The following CNGA3 variants were observed in gnomAD, a reference collection of about 807,000 sequenced individuals.
CNGA3 encodes cyclic nucleotide gated channel subunit alpha 3.
In CNGA3, 42 loss-of-function variants were observed where a neutral mutation model predicts 46.6. The observed-to-expected ratio is 0.90, with a 90% CI of 0.70 to 1.17. The LOEUF (loss-of-function observed/expected upper bound fraction) is 1.17, where lower values mean the gene tolerates loss of function less well. Among genes scored for constraint, CNGA3 ranks in the 50% most tolerant of loss-of-function variants. The pLI, the probability that CNGA3 is intolerant of heterozygous loss-of-function variation, is 0.00. For synonymous variants in CNGA3, 394 were observed against 369.4 expected, an observed-to-expected ratio of 1.07 and a Z score of -0.76; for missense variants, 893 against 890.7, an observed-to-expected ratio of 1.00 and a Z score of -0.03.
intron 4 of CNGA3, among the ~76,000 whole-genome samples, chr2:98,381,346 C>A (rs775825061): frequency 7.9e-5 from 12 of 152,052 alleles, no homozygotes; most frequent in Non-Finnish European, 1.6e-4. Context: ...CAGACAGTCC[C>A]TATATAATTT....
rs116448158 is a variant in CNGA3 at position 98,396,788 on chromosome 2, G to A, written c.1618G>A (p.Val540Ile). The A allele has an allele frequency of 1.6e-3, 2,659 of 1,614,228 alleles. 7 individuals carry two copies. The highest frequency in any genetic ancestry group is 2.0e-3 in the Non-Finnish European group (2,350 of 1,180,050). The change falls in exon 8 of 8, where the codon GTC becomes ATC. Residue 540 changes from valine to isoleucine, a missense_variant. By Grantham distance (29) the Val-to-Ile change is conservative. Around this residue, in one of 3 missense-constraint regions of CNGA3, gnomAD observed 548 missense variants for 570.8 expected, o/e 0.96. Coordinates refer to ENST00000272602, the MANE Select transcript of CNGA3 (RefSeq NM_001298.3). ...TGATGATGGGGTCACCCAGTTCGTGGTCCTCAGCGATGGCAGCTACTTCGG... is the reference window on the plus strand; with the variant it reads ...TGATGATGGGGTCACCCAGTTCGTGATCCTCAGCGATGGCAGCTACTTCGG... ...VADDGVTQFV[V>I]LSDGSYFGEI...
chr2:98,396,226 C>T lies in CNGA3; in HGVS notation c.1056C>T (p.Tyr352=), dbSNP rs372242444. The T allele has an allele frequency of 1.7e-5, 27 of 1,614,036 alleles. No individual in the cohort carries two copies. In the African/African-American group the frequency reaches 3.1e-4, roughly 18 times the overall value. Residue 352 remains tyrosine (Y), a synonymous_variant, in exon 8 of 8, where the codon TAC becomes TAT. Coordinates refer to ENST00000272602, the MANE Select transcript of CNGA3 (RefSeq NM_001298.3). ...AGCATGGGCGCCTCTCCAGGAAGTACATTTACAGTCTCTACTGGTCCACCT... is the reference window on the plus strand; with the variant it reads ...AGCATGGGCGCCTCTCCAGGAAGTATATTTACAGTCTCTACTGGTCCACCT... ...IPEHGRLSRK[Y]IYSLYWSTLT... is the part of the protein sequence containing the mutation.
intron 7 of CNGA3, 112 bp downstream of exon 7, chr2:98,392,082 G>A (rs1692803907): frequency 2.1e-6 from 2 of 945,758 alleles, no homozygotes; most frequent in Non-Finnish European, 3.3e-6. Flanking sequence ...AGGCCAGGCA[G>A]GTCTGGGGAC....
chr2:98,355,238 T>A (rs1191846192), intron 1 of CNGA3, among the ~76,000 whole-genome samples: 1 of 152,236 alleles, frequency 6.6e-6, no homozygotes, highest in Admixed American at 6.5e-5. Context: ...TGCATATTAA[T>A]CTGAGTTTCG....
At chr2:98,382,910 C>T (rs7589617) in intron 4 of CNGA3, among the ~76,000 whole-genome samples, 9,914 of 152,196 alleles carry the variant, frequency 0.065, 958 homozygotes, top group African/African-American at 0.21. Context: ...AAGAGGCCTT[C>T]GCAGCTGAGG....
At chr2:98,394,946 A>G (rs1369403320) in intron 7 of CNGA3, among the ~76,000 whole-genome samples, 1 of 152,208 alleles carries the variant, frequency 6.6e-6, no homozygotes, top group Non-Finnish European at 1.5e-5. Context: ...AAGCCTAGCA[A>G]GAATATAACC....
At position 98,346,578 on chromosome 2, in the gene CNGA3, C is replaced by T. The variant is rs969773616; in HGVS notation, c.-38+44C>T. On this transcript the variant is annotated intron_variant, in intron 1 of 7. Coordinates refer to ENST00000272602, the MANE Select transcript of CNGA3 (RefSeq NM_001298.3). ...TCTTGAGCTGGAATTTTTTGGGGGG[C>T]GCCGGGAGGTGTGCTGGGGCCGCAG... 5.0e-5 allele frequency: 20 copies of T among 396,956 alleles called. 1 individual carries two copies. Among genetic ancestry groups the T allele is most frequent in the East Asian group, 3.6e-5 (1 of 27,998 alleles). The allele number at this position is 396,956 out of a possible 1,614,324, so 24.6% of individuals were successfully genotyped here. A position where few individuals can be genotyped will look rare whatever the true frequency, so the allele number is the denominator to read the frequency against.
intron 1 of CNGA3, among the ~76,000 whole-genome samples, chr2:98,351,848 TTC>T (rs1251323237): frequency 6.6e-6 from 1 of 152,214 alleles, no homozygotes; most frequent in Non-Finnish European, 1.5e-5. Flanking sequence ...TTAAAATTAT[TTC>T]TTTTTAGATA....
At position 98,389,693 on chromosome 2, in the gene CNGA3, A is replaced by G; in HGVS notation, c.485A>G (p.Asp162Gly). The G allele has an allele frequency of 6.2e-7, 1 of 1,613,800 alleles. No homozygotes were observed. The highest frequency in any genetic ancestry group is 8.5e-7 in the Non-Finnish European group (1 of 1,180,020). ...AAAAAGAAGGATGCGATCGTGGTGGACCCGTCCAGCAACCTGTACTACCGC... is the reference window on the plus strand; with the variant it reads ...AAAAAGAAGGATGCGATCGTGGTGGGCCCGTCCAGCAACCTGTACTACCGC... ...KTKKKDAIVV[D>G]PSSNLYYRWL... The change falls in exon 6 of 8, where the codon GAC becomes GGC. Residue 162 changes from aspartate to glycine, a missense_variant. Asp to Gly is a moderately conservative substitution (Grantham distance 94, BLOSUM62 -1). Transcript: ENST00000272602.
intron 1 of CNGA3, among the ~76,000 whole-genome samples, chr2:98,356,451 T>C (rs1389818686): frequency 6.6e-6 from 1 of 152,212 alleles, no homozygotes; most frequent in Non-Finnish European, 1.5e-5. Flanking sequence ...CTCTGTACTC[T>C]GTCCTGATTG....
At chr2:98,393,854 G>A (rs1183349724) in intron 7 of CNGA3, among the ~76,000 whole-genome samples, 1 of 151,992 alleles carries the variant, frequency 6.6e-6, no homozygotes, top group African/African-American at 2.4e-5. Flanking sequence ...GGAGGAGGCT[G>A]GAGGCACAGG....
intron 4 of CNGA3, among the ~76,000 whole-genome samples, chr2:98,382,024 T>C (rs1044531021): frequency 2.6e-5 from 4 of 152,174 alleles, no homozygotes; most frequent in Non-Finnish European, 5.9e-5. Flanking sequence ...TGTTAGACTC[T>C]CTGTCCATTT....
At chr2:98,349,765 A>C (rs1375890400) in intron 1 of CNGA3, among the ~76,000 whole-genome samples, 3 of 152,182 alleles carry the variant, frequency 2.0e-5, no homozygotes, top group Non-Finnish European at 4.4e-5. Context: ...CTGAATTAGT[A>C]AATAAAAGAG....
At position 98,356,804 on chromosome 2, in the gene CNGA3, G is replaced by A. The variant is rs575241713; in HGVS notation, c.-38+10270G>A. Among the ~76,000 whole-genome samples the A allele has an allele frequency of 3.3e-5, 5 of 152,274 alleles. No individual in the cohort carries two copies. The South Asian group carries it at 1.0e-3, about 32-fold the overall frequency. ...TGAATGGGGAGCAAGGTTTTCTTTC[G>A]GAAGCACGTTCAGTCTAGAGCAAGG... On this transcript the variant is annotated intron_variant, in intron 1 of 7. Transcript: ENST00000272602.
In CNGA3 at chr2:98,378,350, A is replaced by C. The variant is rs1034834925; in HGVS notation, c.215+550A>C. Reference sequence around the variant, plus strand: ...CTGAGGAAGTCATTTCACCTTTTCAAATCTCATCTAGAAATGCATCTAACA... The same window carrying C: ...CTGAGGAAGTCATTTCACCTTTTCACATCTCATCTAGAAATGCATCTAACA... On this transcript the variant is annotated intron_variant, in intron 3 of 7. Coordinates refer to ENST00000272602, the MANE Select transcript of CNGA3 (RefSeq NM_001298.3). The C allele has an allele frequency of 5.0e-6, 5 of 993,788 alleles. No homozygotes were observed. The African/African-American group carries it at 8.2e-5, about 16-fold the overall frequency. The allele number at this position is 993,788 out of a possible 1,614,324, so 61.6% of individuals were successfully genotyped here.
At chr2:98,347,607 C>T (rs1371625851) in intron 1 of CNGA3, among the ~76,000 whole-genome samples, 1 of 152,252 alleles carries the variant, frequency 6.6e-6, no homozygotes, top group Non-Finnish European at 1.5e-5. Flanking sequence ...GGAGCCGGCG[C>T]CCCGGCCTCT....
rs1211706291 is a variant in CNGA3, at chr2:98,389,739, G to C, written c.531G>C (p.Leu177=). The change falls in exon 6 of 8, where the codon CTG becomes CTC. Residue 177 remains leucine (L), a synonymous_variant. Coordinates refer to ENST00000272602, the MANE Select transcript of CNGA3 (RefSeq NM_001298.3). ...LYYRWLTAIA[L]PVFYNWYLLI... ...ACCGCTGGCTGACCGCCATCGCCCT[G>C]CCTGTCTTCTATAACTGGTATCTGC... The C allele has an allele frequency of 3.1e-6, 5 of 1,613,400 alleles. No homozygotes were observed. The highest frequency in any genetic ancestry group is 4.2e-6 in the Non-Finnish European group (5 of 1,180,016).
chr2:98,378,223 G>T, intron 3 of CNGA3: 1 of 1,537,610 alleles, frequency 6.5e-7, no homozygotes, highest in Non-Finnish European at 8.7e-7. Flanking sequence ...CCCAGGGCAG[G>T]TAGGTGTCCT....
intron 1 of CNGA3, among the ~76,000 whole-genome samples, chr2:98,352,014 C>A (rs1355179895): frequency 1.3e-5 from 2 of 152,150 alleles, no homozygotes; most frequent in Non-Finnish European, 2.9e-5. Context: ...ATTCCTCTTT[C>A]TCCTTCTCTC....
Sources: gnomAD v4.1 joint callset for allele counts (sites outside exome capture counted in the v4.1 genomes callset) on GRCh38, gnomAD v4.1.1 for gene constraint, gnomAD v4.1.1 regional missense constraint, MANE v1.5 for transcripts, NCBI Gene and HGNC (gene_info 2026-07-23, HGNC 2026-07-21) for gene names.